Variants in ERC1 observed in about 807,000 individuals in gnomAD.
ERC1 encodes the protein RAB6 interacting protein 2.
In ERC1, 56 loss-of-function variants were observed where a neutral mutation model predicts 132.0. The ratio of observed to expected loss-of-function variants is 0.42; its 90% CI spans 0.34 to 0.53. The LOEUF is 0.53. ERC1 is among the 20% of genes least tolerant of loss of function. The pLI, the probability that ERC1 is intolerant of heterozygous loss-of-function variation, is 0.03. For synonymous variants in ERC1, 478 were observed against 476.1 expected (o/e 1.00, Z -0.05); for missense variants, 1,202 against 1,349.9 (o/e 0.89, Z 1.72).
At chr12:1,354,883 C>A (rs986818327) in intron 15 of ERC1, among the ~76,000 whole-genome samples, 1 of 152,068 alleles carries the variant, frequency 6.6e-6, no homozygotes, top group Non-Finnish European at 1.5e-5. Flanking sequence ...CTCAGGTGAT[C>A]CGCCCACCTC....
At chr12:1,274,932 G>T (rs1208817439) in intron 14 of ERC1, among the ~76,000 whole-genome samples, 2 of 152,196 alleles carry the variant, frequency 1.3e-5, no homozygotes, top group African/African-American at 4.8e-5. Flanking sequence ...GAAATAGTTT[G>T]GCATAGTTCG....
At chr12:1,031,941 C>CT (rs1307362676) in intron 2 of ERC1, among the ~76,000 whole-genome samples, 1 of 152,146 alleles carries the variant, frequency 6.6e-6, no homozygotes, top group Non-Finnish European at 1.5e-5. Context: ...TAAGTACAAT[C>CT]TCTGGAGATG....
intron 2 of ERC1, among the ~76,000 whole-genome samples, chr12:1,054,860 C>T (rs1972652561): frequency 6.6e-6 from 1 of 152,096 alleles, no homozygotes; most frequent in African/African-American, 2.4e-5. Flanking sequence ...ATAATGTTAA[C>T]ATGAAATATG....
In ERC1 at chr12:1,185,163, C is replaced by T. The variant is rs146579333; in HGVS notation, c.2157+1742C>T. Among the ~76,000 whole-genome samples, 48 of 152,214 alleles carry T rather than the reference C, an allele frequency of 3.2e-4. No individual in the cohort carries two copies. The East Asian group carries it at 8.7e-3, about 28-fold the overall frequency. On this transcript the variant is annotated intron_variant, in intron 11 of 18. Transcript: ENST00000360905. Reference sequence around the variant, plus strand: ...TGACCTCATGATCCACCCGCCTCAGCCTCCCAAAGTGCTGGGATTACAGGC... The same window carrying T: ...TGACCTCATGATCCACCCGCCTCAGTCTCCCAAAGTGCTGGGATTACAGGC...
intron 16 of ERC1, among the ~76,000 whole-genome samples, chr12:1,404,057 C>T (rs911160656): frequency 6.6e-6 from 1 of 152,162 alleles, no homozygotes; most frequent in African/African-American, 2.4e-5. Flanking sequence ...TGTCTTAGTC[C>T]ATTCAGACTG....
At chr12:1,276,865 AT>A (rs1281319709) in intron 14 of ERC1, among the ~76,000 whole-genome samples, 2 of 152,194 alleles carry the variant, frequency 1.3e-5, no homozygotes, top group Non-Finnish European at 2.9e-5. Context: ...ATTTTATCAT[AT>A]TTTTATACTT....
chr12:1,375,375 A>G (rs10848461), intron 16 of ERC1, among the ~76,000 whole-genome samples: 61,823 of 151,896 alleles, frequency 0.41, 13,858 homozygotes, highest in African/African-American at 0.59. Context: ...CCATGATCCA[A>G]TCACCTCCCA....
intron 15 of ERC1, among the ~76,000 whole-genome samples, chr12:1,302,951 A>G (rs971747624): frequency 1.3e-5 from 2 of 152,226 alleles, no homozygotes; most frequent in African/African-American, 4.8e-5. Flanking sequence ...TGATAAAGTG[A>G]GATCTTGTCT....
At chr12:1,424,878 A>C (rs540864334) in intron 17 of ERC1, among the ~76,000 whole-genome samples, 1 of 147,300 alleles carries the variant, frequency 6.8e-6, no homozygotes, top group African/African-American at 2.7e-5. Flanking sequence ...AGATAGATAG[A>C]TAGATAGATA....
At chr12:1,141,599 G>C (rs1225114479) in intron 7 of ERC1, 21 bp from the exon 8 acceptor site, 9 of 1,581,328 alleles carry the variant, frequency 5.7e-6, no homozygotes, top group Non-Finnish European at 7.7e-6. Flanking sequence ...TTCATCACTT[G>C]TAAAACTCCT....
intron 5 of ERC1, among the ~76,000 whole-genome samples, chr12:1,111,685 C>T (rs1945882816): frequency 6.7e-6 from 1 of 149,524 alleles, no homozygotes; most frequent in South Asian, 2.1e-4. Context: ...GTGGCGTGAT[C>T]TCGGTTCACT....
chr12:1,467,113 A>C (rs547765966), intron 18 of ERC1, among the ~76,000 whole-genome samples: 1 of 152,370 alleles, frequency 6.6e-6, no homozygotes, highest in Non-Finnish European at 1.5e-5. Context: ...GTAGTTTTTA[A>C]TGTTATCAGA....
intron 1 of ERC1, among the ~76,000 whole-genome samples, chr12:1,023,314 A>G (rs575185158): frequency 1.3e-5 from 2 of 152,286 alleles, no homozygotes; most frequent in South Asian, 4.1e-4. Flanking sequence ...GTGTATATGG[A>G]GTATGAAGAT....
At chr12:1,018,426 G>C (rs1965853835) in intron 1 of ERC1, among the ~76,000 whole-genome samples, 1 of 152,156 alleles carries the variant, frequency 6.6e-6, no homozygotes, top group Non-Finnish European at 1.5e-5. Flanking sequence ...TGTTGGCCAG[G>C]CTGGTCTCGA....
In ERC1 at chr12:1,400,920, T is replaced by TATTA. The variant is rs1566775090; in HGVS notation, c.2926-7229_2926-7228insATTA. On this transcript the variant is annotated intron_variant, in intron 16 of 18. Coordinates refer to ENST00000360905, the MANE Select transcript of ERC1 (RefSeq NM_178040.4). ...TATTGTTTTGGCTATTTTTGTATTT[T>TATTA]TTTTTTTTTTTTTTTTTTTTTTTTT... Among the ~76,000 whole-genome samples the TATTA allele has an allele frequency of 9.2e-4, 44 of 47,892 alleles. 3 individuals are homozygous for TATTA. The highest frequency in any genetic ancestry group is 6.6e-3 in the African/African-American group (44 of 6,690). The allele number at this position is 47,892 out of a possible 152,430, so 31.4% of individuals were successfully genotyped here.
intron 15 of ERC1, among the ~76,000 whole-genome samples, chr12:1,339,553 C>T (rs1228853669): frequency 1.3e-5 from 2 of 148,410 alleles, no homozygotes; most frequent in African/African-American, 5.0e-5. Flanking sequence ...ACTGCAGTGG[C>T]AGAGGCAGCT....
At chr12:1,000,735 C>T (rs1962076952) in intron 1 of ERC1, among the ~76,000 whole-genome samples, 1 of 152,076 alleles carries the variant, frequency 6.6e-6, no homozygotes, top group East Asian at 1.9e-4. Flanking sequence ...TGCACCCAGC[C>T]TGGTGACAGA....
chr12:1,180,463 A>T, intron 8 of ERC1, 77 bp from the exon 9 acceptor site: 1 of 1,378,362 alleles, frequency 7.3e-7, no homozygotes, highest in Non-Finnish European at 1.0e-6. Flanking sequence ...CTGTTTTCAA[A>T]TTGAAATGAT....
intron 14 of ERC1, among the ~76,000 whole-genome samples, chr12:1,280,071 T>C (rs955490203): frequency 2.0e-5 from 3 of 152,176 alleles, no homozygotes; most frequent in South Asian, 2.1e-4. Context: ...GGAGTCTATG[T>C]GGTGGATCTA....
Sources: allele counts gnomAD v4.1 joint callset (sites outside exome capture counted in the v4.1 genomes callset), GRCh38; gene constraint gnomAD v4.1.1; transcripts MANE v1.5; gene names NCBI Gene and HGNC (gene_info 2026-07-23, HGNC 2026-07-21).